The following RGS7 variants were observed in gnomAD, a reference collection of about 807,000 sequenced individuals.
The protein encoded by RGS7 is regulator of G protein signaling 7.
Under a neutral mutation model 81.1 loss-of-function variants are expected in RGS7, and 27 were observed. That is an observed-to-expected ratio of 0.33 (90% CI 0.25 to 0.46). The LOEUF is 0.46. RGS7 is among the 20% of genes least tolerant of loss of function. RGS7 has a pLI of 1.00. For missense variants in RGS7, 396 were observed against 607.4 expected, an observed-to-expected ratio of 0.65 and a Z score of 3.66; for synonymous variants, 208 against 207.7, an observed-to-expected ratio of 1.00 and a Z score of -0.01.
chr1:241,234,639 C>T (rs2075833855), intron 2 of RGS7, among the ~76,000 whole-genome samples: 1 of 151,990 alleles, frequency 6.6e-6, no homozygotes, highest in Non-Finnish European at 1.5e-5. Context: ...CATATCCCAC[C>T]CTGGTCTGCC....
chr1:241,271,004 G>T lies in RGS7; in HGVS notation c.78+84695C>A, dbSNP rs1042936284. Among the ~76,000 whole-genome samples the T allele has an allele frequency of 6.6e-6, 1 of 152,074 alleles. No homozygotes were observed. The highest frequency in any genetic ancestry group is 1.5e-5 in the Non-Finnish European group (1 of 68,032). ...AATCTCCTGACCTCGTGATCCGCCC[G>T]TCTCAGCCTCCCAAAGTGCTGGGAT... On this transcript the variant is annotated intron_variant, in intron 2 of 18. Coordinates refer to ENST00000440928, the MANE Select transcript of RGS7 (RefSeq NM_001364886.1). This position sits in a 1 kb window ranked among gnomAD's most constrained non-coding sequence, Gnocchi z 4.6.
chr1:241,350,140 C>G (rs949333164), intron 2 of RGS7, among the ~76,000 whole-genome samples: 5 of 152,192 alleles, frequency 3.3e-5, no homozygotes, highest in African/African-American at 1.2e-4. Context: ...CTGGAAGACT[C>G]TCCTGCTCTA....
At chr1:240,967,677 T>C (rs989929941) in intron 4 of RGS7, among the ~76,000 whole-genome samples, 1 of 150,466 alleles carries the variant, frequency 6.6e-6, no homozygotes, top group South Asian at 2.1e-4. Context: ...TGACCACATA[T>C]GGGGAGTAGG....
chr1:241,227,908 G>C (rs568178646), intron 2 of RGS7, among the ~76,000 whole-genome samples: 2 of 152,070 alleles, frequency 1.3e-5, no homozygotes, highest in African/African-American at 2.4e-5. Context: ...TCATCCCACC[G>C]GCCCTTCTCC....
intron 3 of RGS7, among the ~76,000 whole-genome samples, chr1:241,057,822 G>A (rs1037711922): frequency 7.2e-5 from 11 of 152,106 alleles, no homozygotes; most frequent in South Asian, 6.2e-4. Flanking sequence ...GGATCACACC[G>A]CTGCACTCCA....
intron 2 of RGS7, among the ~76,000 whole-genome samples, chr1:241,160,662 G>A (rs2069575444): frequency 6.6e-6 from 1 of 152,166 alleles, no homozygotes; most frequent in Admixed American, 6.5e-5. Context: ...ATTATCAATT[G>A]TACCCTTCAC....
intron 2 of RGS7, among the ~76,000 whole-genome samples, chr1:241,241,309 G>T (rs2076247754): frequency 1.3e-5 from 2 of 151,780 alleles, no homozygotes; most frequent in Non-Finnish European, 2.9e-5. Context: ...CTATTAGGTT[G>T]GTGCAAATGT....
intron 2 of RGS7, among the ~76,000 whole-genome samples, chr1:241,333,659 T>C (rs767867095): frequency 5.9e-5 from 9 of 152,156 alleles, no homozygotes; most frequent in Non-Finnish European, 1.3e-4. Flanking sequence ...CACATAATGG[T>C]CATGGTTTGA....
chr1:241,181,426 G>A (rs1048720563), intron 2 of RGS7, among the ~76,000 whole-genome samples: 7 of 152,192 alleles, frequency 4.6e-5, no homozygotes, highest in African/African-American at 1.7e-4. Context: ...CGGCCATAGA[G>A]TAGTAATAAT....
chr1:240,811,573 T>C (rs961371677), intron 14 of RGS7, among the ~76,000 whole-genome samples: 5 of 152,252 alleles, frequency 3.3e-5, no homozygotes, highest in Admixed American at 1.3e-4. Context: ...AAATAGGTGA[T>C]ATTTTAATTG....
chr1:240,785,467 A>C (rs891642879), intron 18 of RGS7, among the ~76,000 whole-genome samples: 1 of 152,214 alleles, frequency 6.6e-6, no homozygotes, highest in African/African-American at 2.4e-5. Flanking sequence ...TTTGTAAGTC[A>C]TCTGGCCTGA....
Position 241,355,758 on chromosome 1 carries a change from A to G in RGS7, c.19T>C (p.Tyr7His), listed in dbSNP as rs1467650988. The change falls in exon 2 of 19, where the codon TAT becomes CAT. Residue 7 changes from tyrosine to histidine, a missense_variant. Coordinates refer to ENST00000440928, the MANE Select transcript of RGS7 (RefSeq NM_001364886.1). ...GCCACCCCGTTGCTGGTCTGCCCAT[A>G]ATTATTCCCCTGGGCCATGTCACCC... MAQGNN[Y>H]GQTSNGVADE... 1 of 1,613,924 alleles carries G rather than the reference A, an allele frequency of 6.2e-7. No individual in the cohort carries two copies. Among genetic ancestry groups the G allele is most frequent in the Non-Finnish European group, 8.5e-7 (1 of 1,179,984 alleles).
intron 14 of RGS7, among the ~76,000 whole-genome samples, chr1:240,806,733 A>T: frequency 6.6e-6 from 1 of 152,076 alleles, no homozygotes; most frequent in East Asian, 1.9e-4. Flanking sequence ...AGGGAATTAA[A>T]GGTGTGGGAC....
At chr1:240,808,320 G>T (rs1689245288) in intron 14 of RGS7, among the ~76,000 whole-genome samples, 1 of 152,162 alleles carries the variant, frequency 6.6e-6, no homozygotes, top group Non-Finnish European at 1.5e-5. Context: ...GGAAAAGGGG[G>T]ATCTAGACAA....
At chr1:241,226,621 C>A (rs1418607097) in intron 2 of RGS7, among the ~76,000 whole-genome samples, 1 of 152,092 alleles carries the variant, frequency 6.6e-6, no homozygotes, top group Non-Finnish European at 1.5e-5. Flanking sequence ...TGGACTGATT[C>A]CATTACAATG....
intron 2 of RGS7, among the ~76,000 whole-genome samples, chr1:241,283,667 C>T (rs1318948126): frequency 6.6e-6 from 1 of 152,070 alleles, no homozygotes; most frequent in Non-Finnish European, 1.5e-5. Context: ...AAGTCTTTTG[C>T]CAAATTCGTG....
chr1:241,182,193 A>T (rs2071680927), intron 2 of RGS7, among the ~76,000 whole-genome samples: 1 of 152,196 alleles, frequency 6.6e-6, no homozygotes, highest in Non-Finnish European at 1.5e-5. Context: ...CACCATGCGC[A>T]ATAGGCACAG....
At chr1:241,007,189 TTACAGG>T (rs529966807) in intron 3 of RGS7, among the ~76,000 whole-genome samples, 69 of 152,260 alleles carry the variant, frequency 4.5e-4, no homozygotes, top group African/African-American at 1.6e-3. Flanking sequence ...AGTGCTGGGA[TTACAGG>T]TGTGAGCCAC....
At chr1:241,008,681 G>C (rs2058799463) in intron 3 of RGS7, among the ~76,000 whole-genome samples, 1 of 152,114 alleles carries the variant, frequency 6.6e-6, no homozygotes, top group African/African-American at 2.4e-5. Context: ...GGGAGGCTGA[G>C]GTGGGCCCAT....
Sources: allele counts gnomAD v4.1 joint callset (sites outside exome capture counted in the v4.1 genomes callset), GRCh38; gene constraint gnomAD v4.1.1; non-coding constraint Gnocchi (gnomAD v3.1); transcripts MANE v1.5; gene names NCBI Gene and HGNC (gene_info 2026-07-23, HGNC 2026-07-21).